Variants in NDFIP1 observed in about 807,000 individuals in gnomAD.
The protein encoded by NDFIP1 is Nedd4 family interacting protein 1, also known as NEDD4 family-interacting protein 1.
A neutral mutation model predicts 28.8 loss-of-function variants in NDFIP1; 7 were observed. That is an observed-to-expected ratio of 0.24 (90% CI 0.14 to 0.46). NDFIP1 has a LOEUF of 0.46. Ranked by LOEUF, NDFIP1 falls within the 20% of genes least tolerant of loss-of-function variation. The pLI is 0.99. For synonymous variants in NDFIP1, 92 were observed against 101.0 expected, an observed-to-expected ratio of 0.91 and a Z score of 0.53; for missense variants, 194 against 269.1, an observed-to-expected ratio of 0.72 and a Z score of 1.95.
At chr5:142,116,517 C>T (rs529760882) in intron 1 of NDFIP1, among the ~76,000 whole-genome samples, 33 of 151,880 alleles carry the variant, frequency 2.2e-4, no homozygotes, top group East Asian at 1.9e-3. Context: ...TACAGGTGCC[C>T]GCCAGCAGGC....
chr5:142,115,528 G>A (rs914288969), intron 1 of NDFIP1, among the ~76,000 whole-genome samples: 9 of 152,014 alleles, frequency 5.9e-5, no homozygotes, highest in African/African-American at 2.2e-4. Context: ...CAAGTGATCT[G>A]CCCGCCTCGG....
chr5:142,112,360 G>C (rs930026222), intron 1 of NDFIP1, among the ~76,000 whole-genome samples: 1 of 151,590 alleles, frequency 6.6e-6, no homozygotes. Flanking sequence ...ACTCCTGCCT[G>C]GCGACAGAGC....
chr5:142,147,179 G>C (rs751219500), intron 7 of NDFIP1, among the ~76,000 whole-genome samples: 49 of 152,192 alleles, frequency 3.2e-4, no homozygotes, highest in Non-Finnish European at 5.1e-4. Flanking sequence ...CTAAATTAAG[G>C]GTTTGAGGAA....
chr5:142,125,970 G>A (rs968762673), intron 1 of NDFIP1, among the ~76,000 whole-genome samples: 1 of 152,018 alleles, frequency 6.6e-6, no homozygotes. Context: ...TTATTGTTTA[G>A]TCTCTCTTAT....
chr5:142,146,247 C>T (rs1251946468), intron 7 of NDFIP1, among the ~76,000 whole-genome samples: 1 of 152,152 alleles, frequency 6.6e-6, no homozygotes, highest in African/African-American at 2.4e-5. Flanking sequence ...TCTTTGATTG[C>T]ATGTCTGAAA....
chr5:142,112,377 C>G (rs985053465), intron 1 of NDFIP1, among the ~76,000 whole-genome samples: 2 of 149,440 alleles, frequency 1.3e-5, no homozygotes. Context: ...GAGCAAGACT[C>G]TGTTTAAAAA....
chr5:142,151,347 A>G (rs761536933), intron 7 of NDFIP1, among the ~76,000 whole-genome samples: 10 of 152,192 alleles, frequency 6.6e-5, no homozygotes, highest in African/African-American at 2.4e-4. Context: ...ATCTTCAGGT[A>G]TATTAGGAAA....
At chr5:142,140,436 G>A (rs879337954) in intron 5 of NDFIP1, 127 bp from the exon 6 acceptor site, 10 of 691,184 alleles carry the variant, frequency 1.4e-5, no homozygotes, top group African/African-American at 4.0e-5. Flanking sequence ...CAACAAGAGC[G>A]AAACTCCGTC....
At chr5:142,109,607 A>G (rs1282356057) in intron 1 of NDFIP1, among the ~76,000 whole-genome samples, 1 of 152,156 alleles carries the variant, frequency 6.6e-6, no homozygotes, top group Non-Finnish European at 1.5e-5. Flanking sequence ...GGAAGAGGCG[A>G]TGTTTGGCTG....
At chr5:142,135,637 C>A in intron 3 of NDFIP1, 93 bp from the exon 4 acceptor site, 2 of 1,067,476 alleles carry the variant, frequency 1.9e-6, no homozygotes, top group Admixed American at 1.9e-5. Context: ...TGAACCAAAG[C>A]AATAACTTTT....
intron 1 of NDFIP1, among the ~76,000 whole-genome samples, chr5:142,118,606 C>T (rs916586235): frequency 6.6e-6 from 1 of 152,184 alleles, no homozygotes; most frequent in African/African-American, 2.4e-5. Flanking sequence ...TTTTACCCCA[C>T]TTTCCATACT....
Position 142,150,180 on chromosome 5 carries a change from CAAA to C in NDFIP1, c.*3-1533_*3-1531del, listed in dbSNP as rs761699097. Among the ~76,000 whole-genome samples, 98 of 79,356 alleles carry C rather than the reference CAAA, an allele frequency of 1.2e-3. No individual in the cohort carries two copies. In the East Asian group the frequency reaches 0.021, roughly 17 times the overall value. The allele number at this position is 79,356 out of a possible 152,430, so 52.1% of individuals were successfully genotyped here. A position where few individuals can be genotyped will look rare whatever the true frequency, so the allele number is the denominator to read the frequency against. ...TGGGTGATAGAGCGGGACTCCGTCT[CAAA>C]AAAAAAAAAAAAAAAAATATATAGA... On this transcript the variant is annotated intron_variant, in intron 7 of 7. Transcript: ENST00000253814.
chr5:142,121,826 G>A (rs761553393), intron 1 of NDFIP1, among the ~76,000 whole-genome samples: 14 of 152,208 alleles, frequency 9.2e-5, no homozygotes, highest in Non-Finnish European at 1.8e-4. Flanking sequence ...ATGGTATTAA[G>A]ATTAGCTGCT....
At chr5:142,131,354 A>C (rs976302913) in intron 1 of NDFIP1, among the ~76,000 whole-genome samples, 2 of 152,050 alleles carry the variant, frequency 1.3e-5, no homozygotes, top group South Asian at 4.2e-4. Context: ...AGCTCACTGC[A>C]ACCTCCGCCT....
At chr5:142,143,508 A>G (rs1207502366) in intron 6 of NDFIP1, 2 of 151,262 alleles carry the variant, frequency 1.3e-5, no homozygotes, top group African/African-American at 4.8e-5. Context: ...ATTTTCTACC[A>G]CTGAGTATCC....
At chr5:142,130,733 A>G (rs1452440946) in intron 1 of NDFIP1, among the ~76,000 whole-genome samples, 1 of 151,964 alleles carries the variant, frequency 6.6e-6, no homozygotes, top group Non-Finnish European at 1.5e-5. Context: ...AATATTCACT[A>G]CAAAATATTT....
In NDFIP1 at chr5:142,150,248, G is replaced by A. The variant is rs192270189; in HGVS notation, c.*3-1483G>A. On this transcript the variant is annotated intron_variant, in intron 7 of 7. Transcript: ENST00000253814. ...ATTATTTATGTTTATAATGAGTCTGGCCTCATTGCAAAAACATTCATTTAA... is the reference window on the plus strand; with the variant it reads ...ATTATTTATGTTTATAATGAGTCTGACCTCATTGCAAAAACATTCATTTAA... Among the ~76,000 whole-genome samples, 27 of 150,634 alleles carry A rather than the reference G, an allele frequency of 1.8e-4. No homozygotes were observed. In the East Asian group the frequency reaches 3.7e-3, roughly 21 times the overall value.
chr5:142,135,855 C>T (rs1458581104), intron 4 of NDFIP1, 38 bp downstream of exon 4: 1 of 1,444,114 alleles, frequency 6.9e-7, no homozygotes, highest in Non-Finnish European at 9.7e-7. Context: ...CCCCTACAAA[C>T]TAGAGTGCTT....
chr5:142,109,017 T>A lies in NDFIP1; in HGVS notation c.43T>A (p.Cys15Ser). The change falls in exon 1 of 8, where the codon TGC becomes AGC. Residue 15 changes from cysteine (C) to serine (S), a missense_variant. Physicochemically the swap from Cys to Ser is moderately radical, Grantham distance 112 (BLOSUM62 -1). Coordinates refer to ENST00000253814, the MANE Select transcript of NDFIP1 (RefSeq NM_030571.4). ...GGCGCTGGCGGCGGTCGAGCCGGCCTGCGGCAGCCGGTACCAGCAGGTAAG... is the reference window on the plus strand; with the variant it reads ...GGCGCTGGCGGCGGTCGAGCCGGCCAGCGGCAGCCGGTACCAGCAGGTAAG... ...LAALAAVEPA[C>S]GSRYQQLQNE... is the part of the protein sequence containing the mutation. 7.0e-7 allele frequency: 1 copy of A among 1,437,556 alleles called. No homozygotes were observed. Among genetic ancestry groups the A allele is most frequent in the Non-Finnish European group, 9.1e-7 (1 of 1,097,370 alleles). The allele number at this position is 1,437,556 out of a possible 1,614,324, so 89.1% of individuals were successfully genotyped here.
Sources: gnomAD v4.1 joint callset for allele counts (sites outside exome capture counted in the v4.1 genomes callset) on GRCh38, gnomAD v4.1.1 for gene constraint, MANE v1.5 for transcripts, NCBI Gene and HGNC (gene_info 2026-07-23, HGNC 2026-07-21) for gene names.